CCDC30: variants seen among roughly 807,000 people sequenced by gnomAD.
CCDC30 encodes the protein coiled-coil domain containing 30, also known as coiled-coil domain-containing protein 30.
CCDC30 carries 70 observed loss-of-function variants against 100.2 expected under a neutral mutation model. That is an observed-to-expected ratio of 0.70 (90% confidence interval 0.58 to 0.85). The LOEUF (loss-of-function observed/expected upper bound fraction) is 0.85, where lower values mean the gene tolerates loss of function less well. CCDC30 is among the 40% of genes least tolerant of loss of function. CCDC30 has a pLI of 0.00. For missense variants in CCDC30, 652 were observed against 771.2 expected (o/e 0.85, Z 1.83); for synonymous variants, 233 against 269.5 (o/e 0.86, Z 1.33).
At chr1:42,615,189 G>C (rs909252899) in intron 11 of CCDC30, among the ~76,000 whole-genome samples, 3 of 152,198 alleles carry the variant, frequency 2.0e-5, no homozygotes. Flanking sequence ...TCATAGGACA[G>C]GGAGATGAAG....
At chr1:42,509,180 A>T (rs1644440659) in intron 6 of CCDC30, among the ~76,000 whole-genome samples, 2 of 152,206 alleles carry the variant, frequency 1.3e-5, no homozygotes, top group Admixed American at 1.3e-4. Flanking sequence ...TCTTGCTTCC[A>T]GCCCCAAAGC....
At chr1:42,587,125 G>A (rs560066110) in intron 9 of CCDC30, among the ~76,000 whole-genome samples, 114 of 152,244 alleles carry the variant, frequency 7.5e-4, no homozygotes, top group Non-Finnish European at 1.2e-3. Context: ...AGCCTCCTGA[G>A]TAGCTGGGAC....
At chr1:42,572,107 A>T (rs1645745305) in intron 7 of CCDC30, among the ~76,000 whole-genome samples, 1 of 152,042 alleles carries the variant, frequency 6.6e-6, no homozygotes, top group South Asian at 2.1e-4. Context: ...TATTACTTCA[A>T]CTCCTTCTAA....
chr1:42,560,937 C>T (rs905974757), intron 6 of CCDC30, among the ~76,000 whole-genome samples: 3 of 152,172 alleles, frequency 2.0e-5, no homozygotes, highest in African/African-American at 7.2e-5. Context: ...AGACCAGTAA[C>T]AAGCTCTGAA....
chr1:42,556,648 T>A (rs1169879980), intron 6 of CCDC30, among the ~76,000 whole-genome samples: 3 of 152,210 alleles, frequency 2.0e-5, no homozygotes, highest in Non-Finnish European at 4.4e-5. Flanking sequence ...TTACAAACAA[T>A]CCAGGTACAC....
At chr1:42,506,888 C>G (rs533615598) in intron 6 of CCDC30, among the ~76,000 whole-genome samples, 3 of 152,290 alleles carry the variant, frequency 2.0e-5, no homozygotes, top group African/African-American at 7.2e-5. Context: ...ACGTGAAAAT[C>G]CTGTTCAAAG....
intron 6 of CCDC30, among the ~76,000 whole-genome samples, chr1:42,514,950 G>A (rs1557818615): frequency 6.6e-6 from 1 of 152,078 alleles, no homozygotes; most frequent in African/African-American, 2.4e-5. Flanking sequence ...ACTGTGCTTG[G>A]CCTCTTAGGT....
At chr1:42,651,606 G>A (rs1648356431) in intron 15 of CCDC30, among the ~76,000 whole-genome samples, 1 of 152,158 alleles carries the variant, frequency 6.6e-6, no homozygotes, top group African/African-American at 2.4e-5. Flanking sequence ...GCCCAAACCT[G>A]TAATCCCAGC....
exon 13 of CCDC30, chr1:42,642,569 A>T: frequency 1.2e-6 from 2 of 1,603,194 alleles, no homozygotes; most frequent in Non-Finnish European, 1.7e-6. Context: ...AGAACAGTTG[A>T]TCCACAGCAA....
downstream of CCDC30, among the ~76,000 whole-genome samples, chr1:42,654,976 G>A (rs1036043689): frequency 2.0e-5 from 3 of 151,802 alleles, no homozygotes; most frequent in African/African-American, 7.3e-5. Context: ...GCCTCCCAAA[G>A]TGCTGGGATT....
At chr1:42,529,508 G>C (rs1644775537) in intron 6 of CCDC30, 1 of 152,042 alleles carries the variant, frequency 6.6e-6, no homozygotes, top group South Asian at 2.1e-4. Flanking sequence ...AATGGTCTCA[G>C]TTAGTAATAA....
intron 9 of CCDC30, among the ~76,000 whole-genome samples, chr1:42,582,829 C>T (rs991590126): frequency 1.1e-4 from 16 of 152,294 alleles, no homozygotes; most frequent in African/African-American, 3.9e-4. Context: ...TCTCCTGTTA[C>T]AATTCTTCAA....
intron 11 of CCDC30, among the ~76,000 whole-genome samples, chr1:42,623,071 A>C (rs568959742): frequency 1.3e-5 from 2 of 152,188 alleles, no homozygotes; most frequent in African/African-American, 4.8e-5. Flanking sequence ...CCATTTTAAA[A>C]TCAGATTATT....
intron 10 of CCDC30, among the ~76,000 whole-genome samples, chr1:42,603,808 T>C (rs1029804100): frequency 2.6e-5 from 4 of 152,216 alleles, no homozygotes; most frequent in Admixed American, 6.5e-5. Flanking sequence ...AAGTTATGCC[T>C]ACCCAAAACC....
At chr1:42,598,567 T>C (rs1646339068) in intron 10 of CCDC30, among the ~76,000 whole-genome samples, 2 of 152,050 alleles carry the variant, frequency 1.3e-5, no homozygotes, top group Admixed American at 6.6e-5. Flanking sequence ...AGAAAAAGCA[T>C]GGAAGACAAA....
At chr1:42,480,304 TA>T (rs765327567) in intron 1 of CCDC30, among the ~76,000 whole-genome samples, 156 bp from the exon 2 acceptor site, 4 of 152,282 alleles carry the variant, frequency 2.6e-5, no homozygotes, top group Admixed American at 6.5e-5. Context: ...GCTATCTTTT[TA>T]AAAAAATTAA....
chr1:42,523,121 C>T (rs1340698735), intron 6 of CCDC30, among the ~76,000 whole-genome samples: 1 of 152,210 alleles, frequency 6.6e-6, no homozygotes, highest in African/African-American at 2.4e-5. Flanking sequence ...TGAGCCACTG[C>T]ACCCAGCTAG....
intron 3 of CCDC30, among the ~76,000 whole-genome samples, chr1:42,487,458 T>C (rs893277998): frequency 6.6e-6 from 1 of 152,022 alleles, no homozygotes; most frequent in Non-Finnish European, 1.5e-5. Context: ...ATCTAGATGC[T>C]GCTGTGAAGA....
chr1:42,497,296 T>C (rs1252047197), intron 5 of CCDC30, 83 bp downstream of exon 5: 1 of 819,828 alleles, frequency 1.2e-6, no homozygotes, highest in African/African-American at 1.8e-5. Context: ...GTATACAACA[T>C]GTAAGTTGGT....
Sources: gnomAD v4.1 joint callset for allele counts (sites outside exome capture counted in the v4.1 genomes callset) on GRCh38, gnomAD v4.1.1 for gene constraint, MANE v1.5 for transcripts, NCBI Gene and HGNC (gene_info 2026-07-23, HGNC 2026-07-21) for gene names.